PLEKHM3: variants seen among roughly 807,000 people sequenced by gnomAD.
The protein encoded by PLEKHM3 is pleckstrin homology domain containing M3.
In PLEKHM3, 45 loss-of-function variants were observed where a neutral mutation model predicts 81.8. The ratio of observed to expected loss-of-function variants is 0.55; its 90% confidence interval spans 0.43 to 0.71. The LOEUF (loss-of-function observed/expected upper bound fraction) is 0.71. PLEKHM3 is among the 30% of genes least tolerant of loss of function. The pLI, the probability that PLEKHM3 is intolerant of heterozygous loss-of-function variation, is 0.00. For synonymous variants in PLEKHM3, 352 were observed against 356.4 expected (o/e 0.99, Z 0.14); for missense variants, 788 against 924.3 (o/e 0.85, Z 1.91).
chr2:208,019,810 T>G (rs1693062593), intron 1 of PLEKHM3: 1 of 152,248 alleles, frequency 6.6e-6, no homozygotes, highest in Non-Finnish European at 1.5e-5. Context: ...CATGAAGGCA[T>G]GGACTGTGCC....
At chr2:207,852,163 T>C (rs373051229) in intron 7 of PLEKHM3, among the ~76,000 whole-genome samples, 19 of 152,272 alleles carry the variant, frequency 1.2e-4, no homozygotes, top group African/African-American at 3.9e-4. Context: ...TGGCAAAATG[T>C]TTTGAAGACT....
intron 7 of PLEKHM3, among the ~76,000 whole-genome samples, chr2:207,830,939 G>A (rs1391523704): frequency 6.6e-6 from 1 of 152,218 alleles, no homozygotes; most frequent in Non-Finnish European, 1.5e-5. Flanking sequence ...GACAGTCTGA[G>A]CAGACTAATG....
At chr2:207,834,005 T>C (rs572923458) in intron 7 of PLEKHM3, among the ~76,000 whole-genome samples, 5 of 152,304 alleles carry the variant, frequency 3.3e-5, no homozygotes, top group African/African-American at 1.2e-4. Context: ...ATGGCAAAAA[T>C]CGCACTTGCT....
At chr2:207,898,403 C>G (rs1254552601) in intron 6 of PLEKHM3, among the ~76,000 whole-genome samples, 6 of 152,176 alleles carry the variant, frequency 3.9e-5, no homozygotes, top group Non-Finnish European at 5.9e-5. Context: ...TTTGCCTGGT[C>G]TCTGCAGGAA....
chr2:207,941,450 T>G (rs562553618), intron 4 of PLEKHM3, among the ~76,000 whole-genome samples: 2 of 152,158 alleles, frequency 1.3e-5, no homozygotes. Flanking sequence ...CTAGACCCCC[T>G]CAGGATATAC....
intron 2 of PLEKHM3, among the ~76,000 whole-genome samples, chr2:207,986,805 G>A (rs1469535843): frequency 1.3e-5 from 2 of 151,380 alleles, no homozygotes; most frequent in Non-Finnish European, 2.9e-5. Context: ...TGAGTAGCTG[G>A]GACTACAGGC....
intron 7 of PLEKHM3, among the ~76,000 whole-genome samples, chr2:207,848,726 C>T (rs2092397400): frequency 6.6e-6 from 1 of 152,190 alleles, no homozygotes; most frequent in Non-Finnish European, 1.5e-5. Context: ...AAGTTTAGGT[C>T]CTCAGGAGCA....
At position 207,828,298 on chromosome 2, in the gene PLEKHM3, T is replaced by C. The variant is rs775568848; in HGVS notation, c.*21A>G. ...GATGGATTGTTGATTGGTGAATCCCTGGCCTTCGGGTCGGCTGGAGTCAGG... is the reference window on the plus strand; with the variant it reads ...GATGGATTGTTGATTGGTGAATCCCCGGCCTTCGGGTCGGCTGGAGTCAGG... On this transcript the variant is annotated 3_prime_UTR_variant, in exon 8 of 8. Coordinates refer to ENST00000427836, the MANE Select transcript of PLEKHM3 (RefSeq NM_001080475.3). 7 of 1,599,348 alleles carry C rather than the reference T, an allele frequency of 4.4e-6. 2 individuals are homozygous for C. In the South Asian group the frequency reaches 6.7e-5, roughly 15 times the overall value.
Position 207,858,332 on chromosome 2 carries a change from C to A in PLEKHM3, c.2108+2773G>T, listed in dbSNP as rs373732040. 2.7e-4 allele frequency among the ~76,000 whole-genome samples: 41 copies of A among 151,914 alleles called. No individual in the cohort carries two copies. The South Asian group carries it at 5.4e-3, about 20-fold the overall frequency. On this transcript the variant is annotated intron_variant, in intron 7 of 7. Coordinates refer to ENST00000427836, the MANE Select transcript of PLEKHM3 (RefSeq NM_001080475.3). ...GGGATTACAGGTGCATGCCACCACA[C>A]CTAACTAATCATATTTTTTTCTACT...
chr2:207,981,149 A>G (rs1443594209), intron 2 of PLEKHM3, among the ~76,000 whole-genome samples: 1 of 151,938 alleles, frequency 6.6e-6, no homozygotes, highest in Non-Finnish European at 1.5e-5. Context: ...AAAGAAAAAA[A>G]GAAAAGAAAA....
In PLEKHM3 at chr2:207,825,219, T is replaced by C. The variant is rs983556504; in HGVS notation, c.*3100A>G. The stretch of plus-strand genomic sequence containing the variant: ...GGTCTATTTTAGGAACTGGCTTCTT[T>C]ACTGCGGGGTTAGATGCCAACATTT... On this transcript the variant is annotated 3_prime_UTR_variant, in exon 8 of 8. Transcript: ENST00000427836. The C allele has an allele frequency of 6.6e-6, 1 of 152,216 alleles. No individual in the cohort carries two copies. Among genetic ancestry groups the C allele is most frequent in the Non-Finnish European group, 1.5e-5 (1 of 68,044 alleles). The allele number at this position is 152,216 out of a possible 1,614,324, so 9.4% of individuals were successfully genotyped here.
chr2:207,838,365 C>T (rs1251631722), intron 7 of PLEKHM3, among the ~76,000 whole-genome samples: 1 of 152,190 alleles, frequency 6.6e-6, no homozygotes, highest in Non-Finnish European at 1.5e-5. Context: ...CTGATGGCAG[C>T]CCACAAAGCA....
chr2:207,955,551 T>A (rs1284445282), intron 3 of PLEKHM3, among the ~76,000 whole-genome samples: 2 of 152,230 alleles, frequency 1.3e-5, no homozygotes, highest in Admixed American at 1.3e-4. Flanking sequence ...TACATGTGTA[T>A]GTCTCTGTTC....
chr2:207,835,764 A>C (rs1559200660), intron 7 of PLEKHM3, among the ~76,000 whole-genome samples: 1 of 152,206 alleles, frequency 6.6e-6, no homozygotes, highest in Non-Finnish European at 1.5e-5. Flanking sequence ...CTATTTAATA[A>C]AATTTCAATT....
At chr2:207,948,349 CTTTTTTT>C (rs752976462) in intron 3 of PLEKHM3, among the ~76,000 whole-genome samples, 5 of 81,068 alleles carry the variant, frequency 6.2e-5, no homozygotes, top group South Asian at 9.4e-4. Context: ...CTCCTCAGAT[CTTTTTTT>C]TTTTTTTTTT....
At chr2:207,906,145 C>T (rs1459764123) in intron 6 of PLEKHM3, among the ~76,000 whole-genome samples, 1 of 152,218 alleles carries the variant, frequency 6.6e-6, no homozygotes, top group Non-Finnish European at 1.5e-5. Context: ...TTTAAACCAT[C>T]TTTACAAGAA....
Position 207,930,992 on chromosome 2 carries a change from CGCTGCCGCAGCCGCA to C in PLEKHM3, c.1805_1819del (p.Leu602_Gln606del), listed in dbSNP as rs750297628. 1 of 1,613,768 alleles carries C rather than the reference CGCTGCCGCAGCCGCA, an allele frequency of 6.2e-7. No individual in the cohort carries two copies. On this transcript the variant is annotated inframe_deletion, in exon 5 of 8. Coordinates refer to ENST00000427836, the MANE Select transcript of PLEKHM3 (RefSeq NM_001080475.3). ...CAAATAGGCTCGGAGCGACTTCAGC[CGCTGCCGCAGCCGCA>C]GCACGGCGGCCAGCGGCTCTGCGTG... is the stretch of plus-strand genomic sequence containing the variant.
At chr2:207,888,715 T>A (rs547006791) in intron 6 of PLEKHM3, among the ~76,000 whole-genome samples, 3 of 152,180 alleles carry the variant, frequency 2.0e-5, no homozygotes, top group Non-Finnish European at 4.4e-5. Flanking sequence ...TTCTATTATG[T>A]CTATAAGCAA....
rs899094545 is a variant in PLEKHM3, at chr2:207,917,553, G to A, written c.1887-8976C>T. Among the ~76,000 whole-genome samples the A allele has an allele frequency of 3.3e-5, 5 of 149,584 alleles. No homozygotes were observed. In the East Asian group the frequency reaches 7.9e-4, roughly 24 times the overall value. The stretch of plus-strand genomic sequence containing the variant: ...GTGTAGATTGTGCTTTAAGAGTTAG[G>A]CTGCCCTGGCCAGGCAGGGTGGCTC... On this transcript the variant is annotated intron_variant, in intron 5 of 7. Coordinates refer to ENST00000427836, the MANE Select transcript of PLEKHM3 (RefSeq NM_001080475.3).
Sources: allele counts gnomAD v4.1 joint callset (sites outside exome capture counted in the v4.1 genomes callset), GRCh38; gene constraint gnomAD v4.1.1; transcripts MANE v1.5; gene names NCBI Gene and HGNC (gene_info 2026-07-23, HGNC 2026-07-21).